The following CADM2 variants were observed in gnomAD, a reference collection of about 807,000 sequenced individuals.
The protein encoded by CADM2 is immunoglobulin superfamily member 4D.
Under a neutral mutation model 49.8 loss-of-function variants are expected in CADM2, and 12 were observed. The ratio of observed to expected loss-of-function variants is 0.24; its 90% CI spans 0.15 to 0.39. The LOEUF is 0.39. Ranked by LOEUF, CADM2 falls within the 10% of genes least tolerant of loss-of-function variation. The probability of loss-of-function intolerance (pLI) is 1.00; values close to 1 mark genes in which losing one functional copy is unlikely to be tolerated. For synonymous variants in CADM2, 214 were observed against 175.4 expected (o/e 1.22, Z -1.74); for missense variants, 378 against 492.3 (o/e 0.77, Z 2.20).
At chr3:84,973,350 A>G (rs1009336156) in intron 1 of CADM2, among the ~76,000 whole-genome samples, 1 of 152,116 alleles carries the variant, frequency 6.6e-6, no homozygotes, top group African/African-American at 2.4e-5. Context: ...TGGGCTTTTA[A>G]CATTTTTTTT....
intron 1 of CADM2, among the ~76,000 whole-genome samples, chr3:85,710,471 A>C (rs2067085042): frequency 6.6e-6 from 1 of 152,220 alleles, no homozygotes; most frequent in African/African-American, 2.4e-5. Context: ...AATGGCTTTT[A>C]TATTATCTTG....
chr3:85,038,662 C>T (rs931317554), intron 1 of CADM2, among the ~76,000 whole-genome samples: 1 of 152,014 alleles, frequency 6.6e-6, no homozygotes, highest in Admixed American at 6.6e-5. Flanking sequence ...TAGCATGTTG[C>T]CTAGATTTAG....
At chr3:86,032,008 G>C (rs902015966) in intron 8 of CADM2, among the ~76,000 whole-genome samples, 1 of 151,670 alleles carries the variant, frequency 6.6e-6, no homozygotes. Context: ...GACGGATCAA[G>C]AGTAAATTAA....
intron 1 of CADM2, among the ~76,000 whole-genome samples, chr3:85,383,729 AT>A (rs1323003112): frequency 4.0e-5 from 6 of 150,280 alleles, no homozygotes; most frequent in African/African-American, 1.5e-4. Flanking sequence ...ACTTTTTATG[AT>A]TTTAAATTTT....
intron 8 of CADM2, chr3:86,014,365 C>T: frequency 2.8e-6 from 4 of 1,426,036 alleles, no homozygotes; most frequent in Non-Finnish European, 3.7e-6. Context: ...GTCTTATTTG[C>T]AGCTGGTAGC....
chr3:85,122,567 C>T (rs1247408308), intron 1 of CADM2, among the ~76,000 whole-genome samples: 1 of 152,066 alleles, frequency 6.6e-6, no homozygotes, highest in Non-Finnish European at 1.5e-5. Flanking sequence ...TAGGTATGAA[C>T]CATGATTGGC....
intron 1 of CADM2, among the ~76,000 whole-genome samples, chr3:85,032,305 A>C (rs1371000979): frequency 6.6e-6 from 1 of 152,144 alleles, no homozygotes; most frequent in African/African-American, 2.4e-5. Flanking sequence ...AGACAATTCA[A>C]GGAAATTTGT....
intron 1 of CADM2, among the ~76,000 whole-genome samples, chr3:85,446,071 A>G (rs1195393910): frequency 6.6e-6 from 1 of 152,106 alleles, no homozygotes; most frequent in African/African-American, 2.4e-5. Context: ...TAACTTTTTC[A>G]TTCTACCCTG....
intron 1 of CADM2, among the ~76,000 whole-genome samples, chr3:85,336,955 A>T (rs1184267349): frequency 1.1e-5 from 1 of 89,888 alleles, no homozygotes; most frequent in East Asian, 2.4e-4. Flanking sequence ...ATATATATTT[A>T]ATATATATAT....
intron 8 of CADM2, among the ~76,000 whole-genome samples, chr3:86,061,522 T>G (rs995480992): frequency 5.3e-5 from 8 of 152,150 alleles, no homozygotes; most frequent in Non-Finnish European, 1.2e-4. Flanking sequence ...CAATACATTT[T>G]AGAAGGATTA....
At chr3:85,618,393 A>G (rs2107477903) in intron 1 of CADM2, among the ~76,000 whole-genome samples, 1 of 152,306 alleles carries the variant, frequency 6.6e-6, no homozygotes, top group South Asian at 2.1e-4. Context: ...ACTGTAGCTA[A>G]GAGTCATTAA....
intron 2 of CADM2, among the ~76,000 whole-genome samples, chr3:85,792,989 A>T (rs1251757590): frequency 6.6e-6 from 1 of 151,998 alleles, no homozygotes; most frequent in Non-Finnish European, 1.5e-5. Flanking sequence ...GGCACCATGG[A>T]ACATTTGAGG....
intron 1 of CADM2, among the ~76,000 whole-genome samples, chr3:85,341,278 T>C (rs970359876): frequency 2.0e-5 from 3 of 151,808 alleles, no homozygotes; most frequent in African/African-American, 7.2e-5. Context: ...AAGAGAGAAA[T>C]AAGGAGGAAA....
chr3:85,306,048 C>T, intron 1 of CADM2, among the ~76,000 whole-genome samples: 1 of 151,578 alleles, frequency 6.6e-6, no homozygotes. Context: ...ATAATTTTTG[C>T]TGCATATTTT....
intron 1 of CADM2, among the ~76,000 whole-genome samples, chr3:85,194,312 C>T (rs1296880983): frequency 1.3e-5 from 2 of 151,920 alleles, no homozygotes; most frequent in African/African-American, 2.4e-5. Flanking sequence ...TGTTGAACAG[C>T]GTAGACTACT....
chr3:85,609,734 G>C (rs1397568964), intron 1 of CADM2, among the ~76,000 whole-genome samples: 1 of 152,058 alleles, frequency 6.6e-6, no homozygotes, highest in Non-Finnish European at 1.5e-5. Flanking sequence ...ACACAGCCAA[G>C]GTGTTGTTTT....
At chr3:85,252,490 T>G (rs1302945965) in intron 1 of CADM2, among the ~76,000 whole-genome samples, 1 of 152,000 alleles carries the variant, frequency 6.6e-6, no homozygotes, top group Non-Finnish European at 1.5e-5. Context: ...TTAAAATCAT[T>G]CAAAACTTAC....
intron 1 of CADM2, among the ~76,000 whole-genome samples, chr3:85,130,507 T>C (rs1575939276): frequency 2.0e-5 from 3 of 152,164 alleles, no homozygotes; most frequent in Admixed American, 2.0e-4. Flanking sequence ...AACATGTAAA[T>C]ATATTCAATC....
intron 1 of CADM2, among the ~76,000 whole-genome samples, chr3:85,660,557 C>T (rs546844022): frequency 2.5e-4 from 38 of 151,570 alleles, no homozygotes; most frequent in African/African-American, 3.4e-4. Flanking sequence ...ATAGATGTGT[C>T]GTACACTGAA....
Sources: gnomAD v4.1 joint callset for allele counts (sites outside exome capture counted in the v4.1 genomes callset) on GRCh38, gnomAD v4.1.1 for gene constraint, MANE v1.5 for transcripts, NCBI Gene and HGNC (gene_info 2026-07-23, HGNC 2026-07-21) for gene names.